The following ENPP6 variants were observed in gnomAD, a reference collection of about 807,000 sequenced individuals.
ENPP6 encodes glycerophosphocholine cholinephosphodiesterase ENPP6.
ENPP6 carries 32 observed loss-of-function variants against 42.0 expected under a neutral mutation model. The observed-to-expected ratio is 0.76, with a 90% CI of 0.58 to 1.02. The LOEUF (loss-of-function observed/expected upper bound fraction) is 1.02, where lower values mean the gene tolerates loss of function less well. Ranked by LOEUF, ENPP6 falls within the 50% of genes least tolerant of loss-of-function variation. ENPP6 has a pLI of 0.00. For missense variants in ENPP6, 552 were observed against 566.8 expected (o/e 0.97, Z 0.27); for synonymous variants, 213 against 216.0 (o/e 0.99, Z 0.12).
intron 6 of ENPP6, among the ~76,000 whole-genome samples, chr4:184,104,655 C>T (rs1287842008): frequency 3.9e-5 from 6 of 152,220 alleles, no homozygotes; most frequent in Non-Finnish European, 7.3e-5. Flanking sequence ...AATAATTAAC[C>T]AAGCTTGAAA....
At chr4:184,108,303 G>A (rs1736137244) in intron 6 of ENPP6, among the ~76,000 whole-genome samples, 1 of 152,224 alleles carries the variant, frequency 6.6e-6, no homozygotes, top group South Asian at 2.1e-4. Context: ...CCATGCCACA[G>A]ATGTGAAGTC....
At position 184,117,826 on chromosome 4, in the gene ENPP6, G is replaced by A; in HGVS notation, c.608C>T (p.Ser203Phe). Residue 203 changes from serine (S) to phenylalanine (F), a missense_variant, in exon 4 of 8, where the codon TCT (serine) becomes TTT (phenylalanine). Around this residue, in one of 2 missense-constraint regions of ENPP6, gnomAD observed 545 missense variants for 546.3 expected, o/e 1.00. Transcript: ENST00000296741. ...DVEGHHYGPA[S>F]PQRKDALKAV... ...CTTGAGGGCATCTTTCCTCTGCGGA[G>A]ATGCAGGCCCGTAGTGGTGGCCTTC... The A allele has an allele frequency of 6.2e-7, 1 of 1,614,252 alleles. No homozygotes were observed. Among genetic ancestry groups the A allele is most frequent in the Non-Finnish European group, 8.5e-7 (1 of 1,180,046 alleles).
intron 1 of ENPP6, among the ~76,000 whole-genome samples, chr4:184,213,187 T>A (rs1180926739): frequency 6.6e-6 from 1 of 152,026 alleles, no homozygotes; most frequent in Non-Finnish European, 1.5e-5. Context: ...GGGCAAGGAC[T>A]TCATGTCTAA....
chr4:184,205,309 G>A (rs984261650), intron 1 of ENPP6, among the ~76,000 whole-genome samples: 2 of 152,186 alleles, frequency 1.3e-5, no homozygotes, highest in African/African-American at 2.4e-5. Flanking sequence ...AAAGTAAGAG[G>A]GAGAGAGAGC....
chr4:184,129,226 G>C (rs1736554027), intron 2 of ENPP6, among the ~76,000 whole-genome samples: 1 of 150,966 alleles, frequency 6.6e-6, no homozygotes, highest in Non-Finnish European at 1.5e-5. Context: ...GGAAAGTTTT[G>C]AAAACTTTTT....
chr4:184,192,624 G>T (rs1322884329), intron 1 of ENPP6, among the ~76,000 whole-genome samples: 1 of 152,146 alleles, frequency 6.6e-6, no homozygotes, highest in African/African-American at 2.4e-5. Context: ...AAATGCTTTT[G>T]TACAGCAAGA....
At chr4:184,149,187 C>T (rs879520520) in intron 2 of ENPP6, among the ~76,000 whole-genome samples, 2 of 152,134 alleles carry the variant, frequency 1.3e-5, no homozygotes, top group Admixed American at 1.3e-4. Flanking sequence ...GCATAGAGGC[C>T]GTGACTTAGC....
At position 184,117,764 on chromosome 4, in the gene ENPP6, T is replaced by C. The variant is rs1736344066; in HGVS notation, c.670A>G (p.Ile224Val). The C allele has an allele frequency of 6.2e-7, 1 of 1,613,612 alleles. No individual in the cohort carries two copies. The highest frequency in any genetic ancestry group is 1.1e-5 in the South Asian group (1 of 91,078). The change falls in exon 4 of 8, where the codon ATC (isoleucine) becomes GTC (valine). Residue 224 changes from isoleucine (I) to valine (V), a missense_variant. By Grantham distance (29) the Ile-to-Val change is conservative. Coordinates refer to ENST00000296741, the MANE Select transcript of ENPP6 (RefSeq NM_153343.4). ...DTVLKYMTKW[I>V]QERGLQDRLN... ...GTGTCTTTGCTTCAGGTCACCTGGA[T>C]CCACTTGGTCATGTACTTCAGGACA...
rs374788293 is a variant in ENPP6 at position 184,209,203 on chromosome 4, C to T, written c.241+8376G>A. On this transcript the variant is annotated intron_variant, in intron 1 of 7. Coordinates refer to ENST00000296741, the MANE Select transcript of ENPP6 (RefSeq NM_153343.4). ...CCTCTCCTCTTCCAAAGGAACGCAG[C>T]TCCTCACCAGCAATGGAACAAAGCT... Among the ~76,000 whole-genome samples the T allele has an allele frequency of 4.5e-3, 676 of 150,926 alleles. 6 individuals are homozygous for T. The highest frequency in any genetic ancestry group is 0.014 in the Middle Eastern group (4 of 286).
At position 184,217,606 on chromosome 4, in the gene ENPP6, A is replaced by G; in HGVS notation, c.214T>C (p.Tyr72His). The G allele has an allele frequency of 6.2e-7, 1 of 1,614,238 alleles. No homozygotes were observed. The highest frequency in any genetic ancestry group is 2.2e-5 in the East Asian group (1 of 44,888). The change falls in exon 1 of 8, where the codon TAT becomes CAT. Residue 72 changes from tyrosine to histidine, a missense_variant. Physicochemically the swap from Tyr to His is moderately conservative, Grantham distance 83 (BLOSUM62 2). This residue lies in a region of ENPP6 where 545 missense variants were observed against 546.3 expected (regional missense o/e 1.00). Transcript: ENST00000296741. Reference protein sequence around the residue: ...YLTPDFPSLSYPNYYTLMTGR... With the variant: ...YLTPDFPSLSHPNYYTLMTGR... ...GTCATTAGGGTATAATAATTGGGAT[A>G]CGAGAGACTAGGGAAGTCTGGAGTC...
chr4:184,208,751 G>T (rs971724877), intron 1 of ENPP6, among the ~76,000 whole-genome samples: 34 of 146,152 alleles, frequency 2.3e-4, no homozygotes, highest in Non-Finnish European at 4.2e-4. Context: ...GCTCAAGGAG[G>T]CCTGCCTGCC....
intron 6 of ENPP6, among the ~76,000 whole-genome samples, chr4:184,102,665 G>A (rs989170063): frequency 2.0e-5 from 3 of 152,218 alleles, no homozygotes; most frequent in Admixed American, 2.0e-4. Flanking sequence ...CCGAGCAGAG[G>A]CGCTGTTGCA....
intron 2 of ENPP6, among the ~76,000 whole-genome samples, chr4:184,144,386 G>A (rs1018096836): frequency 2.0e-5 from 3 of 152,118 alleles, no homozygotes; most frequent in Non-Finnish European, 1.5e-5. Flanking sequence ...CAGAAACCAG[G>A]TCCCAGTGCA....
chr4:184,131,824 C>CACAT (rs1553996114), intron 2 of ENPP6, among the ~76,000 whole-genome samples: 14 of 140,462 alleles, frequency 1.0e-4, no homozygotes, highest in Middle Eastern at 3.6e-3. Context: ...CACACACACA[C>CACAT]ATATATATAT....
chr4:184,165,929 C>G lies in ENPP6; in HGVS notation c.242-12196G>C, dbSNP rs184389561. Among the ~76,000 whole-genome samples, 19 of 152,280 alleles carry G rather than the reference C, an allele frequency of 1.2e-4. No homozygotes were observed. The East Asian group carries it at 3.1e-3, about 25-fold the overall frequency. Reference sequence around the variant, plus strand: ...GTTCCCCTTAGTACTTTTCCTTGAGCATTTGGAGGTGTAAAGATTAGTTTA... The same window carrying G: ...GTTCCCCTTAGTACTTTTCCTTGAGGATTTGGAGGTGTAAAGATTAGTTTA... On this transcript the variant is annotated intron_variant, in intron 1 of 7. Transcript: ENST00000296741.
chr4:184,179,249 T>G (rs958068607), intron 1 of ENPP6, among the ~76,000 whole-genome samples: 15 of 152,194 alleles, frequency 9.9e-5, no homozygotes, highest in African/African-American at 3.6e-4. Flanking sequence ...AAACAGGCTT[T>G]AAGCCAACAA....
At chr4:184,159,671 T>A (rs1383186695) in intron 1 of ENPP6, among the ~76,000 whole-genome samples, 1 of 152,212 alleles carries the variant, frequency 6.6e-6, no homozygotes, top group Non-Finnish European at 1.5e-5. Context: ...CTTATTTCAA[T>A]AGATTTTGTG....
At chr4:184,129,640 A>T (rs973724733) in intron 2 of ENPP6, among the ~76,000 whole-genome samples, 5 of 152,240 alleles carry the variant, frequency 3.3e-5, no homozygotes, top group African/African-American at 9.6e-5. Context: ...ATATACAAGC[A>T]TCTTTATTAC....
At chr4:184,127,285 G>A (rs1286331742) in intron 2 of ENPP6, among the ~76,000 whole-genome samples, 1 of 151,354 alleles carries the variant, frequency 6.6e-6, no homozygotes, top group Non-Finnish European at 1.5e-5. Flanking sequence ...GAAATGTCTA[G>A]AATAACCATT....
Sources: allele counts gnomAD v4.1 joint callset (sites outside exome capture counted in the v4.1 genomes callset), GRCh38; gene constraint gnomAD v4.1.1; regional missense constraint gnomAD v4.1.1; transcripts MANE v1.5; gene names NCBI Gene and HGNC (gene_info 2026-07-23, HGNC 2026-07-21).